Variants in NOVA2 observed in about 807,000 individuals in gnomAD.
NOVA2 encodes the protein RNA-binding protein Nova-2.
A neutral mutation model predicts 22.5 loss-of-function variants in NOVA2; 9 were observed. The observed-to-expected ratio is 0.40, with a 90% CI of 0.24 to 0.70. NOVA2 has a LOEUF of 0.70. Ranked by LOEUF, NOVA2 falls within the 30% of genes least tolerant of loss-of-function variation. The pLI is 0.38. For synonymous variants in NOVA2, 318 were observed against 335.2 expected, an observed-to-expected ratio of 0.95 and a Z score of 0.56; for missense variants, 383 against 682.8, an observed-to-expected ratio of 0.56 and a Z score of 4.89.
intron 1 of NOVA2, among the ~76,000 whole-genome samples, chr19:45,966,977 C>T (rs1968175289): frequency 6.6e-6 from 1 of 152,116 alleles, no homozygotes; most frequent in Non-Finnish European, 1.5e-5. Context: ...TTAATATAAA[C>T]ATACAATGTT....
intron 1 of NOVA2, among the ~76,000 whole-genome samples, chr19:45,972,086 T>C (rs530706920): frequency 6.6e-6 from 1 of 151,958 alleles, no homozygotes; most frequent in Non-Finnish European, 1.5e-5. Flanking sequence ...CTCAGCCATT[T>C]CACACACACA....
At chr19:45,957,384 A>G (rs909690881) in intron 2 of NOVA2, among the ~76,000 whole-genome samples, 12 of 152,104 alleles carry the variant, frequency 7.9e-5, no homozygotes, top group Admixed American at 2.6e-4. Flanking sequence ...CTGAAAATAC[A>G]AAAAATTAGC....
intron 1 of NOVA2, among the ~76,000 whole-genome samples, chr19:45,963,840 AAT>A (rs1324683802): frequency 1.3e-5 from 2 of 152,010 alleles, no homozygotes; most frequent in Admixed American, 1.3e-4. Context: ...CCCCTCAGTC[AAT>A]ATCTTTTGTC....
chr19:45,958,430 G>A (rs779391336), intron 2 of NOVA2, among the ~76,000 whole-genome samples: 15 of 151,400 alleles, frequency 9.9e-5, no homozygotes, highest in Non-Finnish European at 2.1e-4. Flanking sequence ...GTGTGAATGA[G>A]TGTGAGAGCA....
At chr19:45,949,423 G>C (rs1197403498) in intron 3 of NOVA2, among the ~76,000 whole-genome samples, 1 of 152,028 alleles carries the variant, frequency 6.6e-6, no homozygotes, top group Non-Finnish European at 1.5e-5. Context: ...TATTTAGTCT[G>C]TGATGCAGTA....
intron 3 of NOVA2, among the ~76,000 whole-genome samples, chr19:45,953,012 G>A (rs529749033): frequency 8.5e-5 from 13 of 152,358 alleles, no homozygotes; most frequent in Non-Finnish European, 1.5e-4. Context: ...CCCATTGCAC[G>A]GAGTACGCAT....
At chr19:45,949,702 C>G (rs183114797) in intron 3 of NOVA2, among the ~76,000 whole-genome samples, 17 of 149,970 alleles carry the variant, frequency 1.1e-4, no homozygotes, top group Non-Finnish European at 2.1e-4. Flanking sequence ...AGCAGGGTTG[C>G]TGTTTCTACA....
intron 3 of NOVA2, among the ~76,000 whole-genome samples, chr19:45,947,036 A>C (rs188479668): frequency 2.9e-4 from 44 of 152,284 alleles, no homozygotes; most frequent in Non-Finnish European, 5.3e-4. Flanking sequence ...AAAAGGAAAA[A>C]AATCTATGCC....
At position 45,938,717 on chromosome 19, in the gene NOVA2, G is replaced by C. The variant is rs1276758056; in HGVS notation, c.*1146C>G. 2 of 152,186 alleles carry C rather than the reference G, an allele frequency of 1.3e-5. No homozygotes were observed. The highest frequency in any genetic ancestry group is 4.8e-5 in the African/African-American group (2 of 41,426). 9.4% of individuals were successfully genotyped at this position (152,186 alleles called of 1,614,324 possible). A position where few individuals can be genotyped will look rare whatever the true frequency, so the allele number is the denominator to read the frequency against. On this transcript the variant is annotated 3_prime_UTR_variant, in exon 4 of 4. Coordinates refer to ENST00000263257, the MANE Select transcript of NOVA2 (RefSeq NM_002516.4). The stretch of plus-strand genomic sequence containing the variant: ...TTAGAGTCCTCCAGATTGGATCCAA[G>C]TCCCGTGCCTTATTCTCTTCCTAGG...
chr19:45,954,095 G>C, intron 2 of NOVA2, 149 bp from the exon 3 acceptor site: 1 of 789,828 alleles, frequency 1.3e-6, no homozygotes, highest in East Asian at 2.6e-5. Flanking sequence ...GCGGGCATGG[G>C]CTGGCAGGCC....
chr19:45,942,617 C>G (rs1054351673), intron 3 of NOVA2, among the ~76,000 whole-genome samples: 1 of 151,968 alleles, frequency 6.6e-6, no homozygotes, highest in East Asian at 1.9e-4. Context: ...CACAATGGAT[C>G]GGGAACCCAA....
intron 1 of NOVA2, among the ~76,000 whole-genome samples, chr19:45,970,366 T>C (rs936154044): frequency 7.9e-6 from 1 of 126,012 alleles, no homozygotes; most frequent in Non-Finnish European, 1.6e-5. Flanking sequence ...GTATTATCCT[T>C]GTGTTTTTTG....
At chr19:45,968,620 G>C (rs1282733914) in intron 1 of NOVA2, among the ~76,000 whole-genome samples, 4 of 152,072 alleles carry the variant, frequency 2.6e-5, no homozygotes, top group Non-Finnish European at 5.9e-5. Flanking sequence ...GATAGCGACT[G>C]TTTACTGAGC....
chr19:45,968,960 A>G (rs1218718791), intron 1 of NOVA2, among the ~76,000 whole-genome samples: 1 of 152,052 alleles, frequency 6.6e-6, no homozygotes, highest in Non-Finnish European at 1.5e-5. Flanking sequence ...GGGGTTCGAG[A>G]TCAGCCTGGT....
In NOVA2 at chr19:45,939,739, AC is replaced by A; in HGVS notation, c.*123del. 1 of 1,284,850 alleles carries A rather than the reference AC, an allele frequency of 7.8e-7. No homozygotes were observed. Among genetic ancestry groups the A allele is most frequent in the Non-Finnish European group, 1.1e-6 (1 of 928,302 alleles). The allele number at this position is 1,284,850 out of a possible 1,614,324, so 79.6% of individuals were successfully genotyped here. A position where few individuals can be genotyped will look rare whatever the true frequency, so the allele number is the denominator to read the frequency against. On this transcript the variant is annotated 3_prime_UTR_variant, in exon 4 of 4. Transcript: ENST00000263257. Reference sequence around the variant, plus strand: ...AGAAGGGGAGGGTGCAGTCGGGCCTACCCCAGCCCCATCCCAAGAGGAGCAG... The same window carrying A: ...AGAAGGGGAGGGTGCAGTCGGGCCTACCCAGCCCCATCCCAAGAGGAGCAG...
At chr19:45,947,530 GTGGCGCAATCTC>G (rs1321272642) in intron 3 of NOVA2, among the ~76,000 whole-genome samples, 1 of 151,082 alleles carries the variant, frequency 6.6e-6, no homozygotes, top group East Asian at 1.9e-4. Context: ...CTAGAGTGCA[GTGGCGCAATCTC>G]AGCTCACTGC....
At chr19:45,946,049 A>C (rs1967833392) in intron 3 of NOVA2, among the ~76,000 whole-genome samples, 2 of 150,424 alleles carry the variant, frequency 1.3e-5, no homozygotes, top group Non-Finnish European at 2.9e-5. Context: ...TCATGCCTGT[A>C]ATCCCAGCAC....
chr19:45,973,242 G>T, intron 1 of NOVA2, 25 bp downstream of exon 1: 1 of 1,420,618 alleles, frequency 7.0e-7, no homozygotes, highest in Non-Finnish European at 9.3e-7. Flanking sequence ...CCGCTCCCCC[G>T]CCCCGAGCCG....
chr19:45,940,404 G>A lies in NOVA2; in HGVS notation c.938C>T (p.Ala313Val). The change falls in exon 4 of 4, where the codon GCC becomes GTC. Residue 313 changes from alanine (A) to valine (V), a missense_variant. By Grantham distance (64) the Ala-to-Val change is moderately conservative. This residue lies in a region of NOVA2 where 349 missense variants were observed against 578.1 expected (regional missense o/e 0.60). Coordinates refer to ENST00000263257, the MANE Select transcript of NOVA2 (RefSeq NM_002516.4). ...GGCGGCTGCTGGGTTGGCCCCGGCG[G>A]CCACGGCGGCCAGGACGCCGGAAGC... is the stretch of plus-strand genomic sequence containing the variant. The part of the protein sequence containing the change: ...AAASGVLAAV[A>V]AGANPAAAAA... 6.8e-7 allele frequency: 1 copy of A among 1,460,208 alleles called. No individual in the cohort carries two copies. The allele number at this position is 1,460,208 out of a possible 1,614,324, so 90.5% of individuals were successfully genotyped here.
Sources: allele counts gnomAD v4.1 joint callset (sites outside exome capture counted in the v4.1 genomes callset), GRCh38; gene constraint gnomAD v4.1.1; regional missense constraint gnomAD v4.1.1; transcripts MANE v1.5; gene names NCBI Gene and HGNC (gene_info 2026-07-23, HGNC 2026-07-21).